BLK: variants seen among roughly 807,000 people sequenced by gnomAD.
The protein encoded by BLK is BLK proto-oncogene, Src family tyrosine kinase, also known as tyrosine-protein kinase Blk.
Under a neutral mutation model 61.8 loss-of-function variants are expected in BLK, and 64 were observed. The ratio of observed to expected loss-of-function variants is 1.03; its 90% confidence interval spans 0.85 to 1.27. The LOEUF is 1.27. Among genes scored for constraint, BLK ranks in the 50% most tolerant of loss-of-function variants. The pLI, the probability that BLK is intolerant of heterozygous loss-of-function variation, is 0.00. For missense variants in BLK, 853 were observed against 660.5 expected (o/e 1.29, Z -3.19); for synonymous variants, 351 against 272.0 (o/e 1.29, Z -2.86).
At position 11,535,028 on chromosome 8, in the gene BLK, A is replaced by C. The variant is rs75867350; in HGVS notation, c.-1-8196A>C. ...ACCTCTACATAAAATTGTTTAAAAAATTAGCCAGGCATGGCAGCACGTGCC... is the reference window on the plus strand; with the variant it reads ...ACCTCTACATAAAATTGTTTAAAAACTTAGCCAGGCATGGCAGCACGTGCC... On this transcript the variant is annotated intron_variant, in intron 1 of 12. Coordinates refer to ENST00000259089, the MANE Select transcript of BLK (RefSeq NM_001715.3). 6.9e-3 allele frequency among the ~76,000 whole-genome samples: 1,048 copies of C among 152,200 alleles called. 7 individuals carry two copies. Among genetic ancestry groups the C allele is most frequent in the Non-Finnish European group, 0.012 (812 of 68,032 alleles).
chr8:11,536,674 G>A (rs1800145986), intron 1 of BLK, among the ~76,000 whole-genome samples: 1 of 152,166 alleles, frequency 6.6e-6, no homozygotes, highest in African/African-American at 2.4e-5. Flanking sequence ...CGCAAGTGCT[G>A]GGATTACAGG....
At chr8:11,530,680 T>TTCG (rs1799849869) in intron 1 of BLK, among the ~76,000 whole-genome samples, 1 of 123,374 alleles carries the variant, frequency 8.1e-6, no homozygotes, top group Non-Finnish European at 1.8e-5. Flanking sequence ...TGTAAATAGC[T>TTCG]CAGTAGAAGT....
At chr8:11,545,835 C>G in intron 2 of BLK, 1 of 614,852 alleles carries the variant, frequency 1.6e-6, no homozygotes, top group Middle Eastern at 4.5e-4. Flanking sequence ...TCCCCCAGCG[C>G]GGTCAGGGCA....
chr8:11,562,909 G>T (rs1801557316), intron 11 of BLK, 70 bp from the exon 12 acceptor site: 4 of 1,604,674 alleles, frequency 2.5e-6, no homozygotes, highest in Admixed American at 1.7e-5. Context: ...AGGAGCAGGG[G>T]TAGGGGTGAG....
intron 4 of BLK, 52 bp from the exon 5 acceptor site, chr8:11,548,972 G>C: frequency 2.7e-6 from 4 of 1,496,968 alleles, no homozygotes; most frequent in Non-Finnish European, 3.7e-6. Flanking sequence ...GCTGCCCAGT[G>C]ACGGGCCTAC....
chr8:11,520,476 C>CAAAAAA (rs71203393), intron 1 of BLK, among the ~76,000 whole-genome samples: 1 of 69,684 alleles, frequency 1.4e-5, no homozygotes, highest in Non-Finnish European at 2.8e-5. Flanking sequence ...GACCTTGTCT[C>CAAAAAA]AAAAAAAAAA....
chr8:11,528,101 A>G (rs1409944811), intron 1 of BLK, among the ~76,000 whole-genome samples: 1 of 152,138 alleles, frequency 6.6e-6, no homozygotes, highest in Non-Finnish European at 1.5e-5. Context: ...CAATGGCGTG[A>G]TCTCAGCTCA....
chr8:11,534,699 TCTC>T (rs776879118), intron 1 of BLK, among the ~76,000 whole-genome samples: 28 of 152,134 alleles, frequency 1.8e-4, no homozygotes, highest in Non-Finnish European at 3.5e-4. Context: ...CCACATAATT[TCTC>T]CTCCTAACTG....
rs1799104411 is a variant in BLK at position 11,513,517 on chromosome 8, G to C, written c.-2+18926G>C. The stretch of plus-strand genomic sequence containing the variant: ...CAGAGCCCAGGCTGTCTGTCCCTCA[G>C]CATCCCCTAAATCTGCGATGCAATC... On this transcript the variant is annotated intron_variant, in intron 1 of 12. Coordinates refer to ENST00000259089, the MANE Select transcript of BLK (RefSeq NM_001715.3). Among the ~76,000 whole-genome samples the C allele has an allele frequency of 2.6e-5, 4 of 152,306 alleles. No homozygotes were observed. The South Asian group carries it at 8.3e-4, about 32-fold the overall frequency.
At chr8:11,510,574 G>C (rs1429404709) in intron 1 of BLK, among the ~76,000 whole-genome samples, 1 of 151,980 alleles carries the variant, frequency 6.6e-6, no homozygotes, top group Non-Finnish European at 1.5e-5. Context: ...TTCTCAACGG[G>C]GGCTGTGGCC....
At position 11,543,183 on chromosome 8, in the gene BLK, C is replaced by T. The variant is rs368590573; in HGVS notation, c.-1-41C>T. 3 of 1,612,564 alleles carry T rather than the reference C, an allele frequency of 1.9e-6. No individual in the cohort carries two copies. The African/African-American group carries it at 4.0e-5, about 22-fold the overall frequency. ...CCCTCTGTGCAGAGGATCTGAGGCC[C>T]CGCTCTCTCATGTCCTCTGTCTGCT... On this transcript the variant is annotated intron_variant, in intron 1 of 12. Coordinates refer to ENST00000259089, the MANE Select transcript of BLK (RefSeq NM_001715.3).
intron 1 of BLK, among the ~76,000 whole-genome samples, chr8:11,521,230 T>G (rs1799434796): frequency 6.6e-6 from 1 of 152,234 alleles, no homozygotes; most frequent in Non-Finnish European, 1.5e-5. Context: ...AATAATTATC[T>G]ATACCCTAAA....
At position 11,515,917 on chromosome 8, in the gene BLK, T is replaced by C. The variant is rs554675027; in HGVS notation, c.-2+21326T>C. Among the ~76,000 whole-genome samples, 5 of 152,346 alleles carry C rather than the reference T, an allele frequency of 3.3e-5. No individual in the cohort carries two copies. The East Asian group carries it at 9.6e-4, about 29-fold the overall frequency. ...ATAGAATAGAGAATACCCAGGGGCA[T>C]TGCCTGTAGGAAAGGCTTTGGGAGG... On this transcript the variant is annotated intron_variant, in intron 1 of 12. Transcript: ENST00000259089.
intron 1 of BLK, among the ~76,000 whole-genome samples, chr8:11,518,523 C>T (rs537533587): frequency 6.6e-6 from 1 of 152,154 alleles, no homozygotes; most frequent in Non-Finnish European, 1.5e-5. Context: ...TTGCTGGCAT[C>T]TCAGCATTTC....
intron 1 of BLK, among the ~76,000 whole-genome samples, chr8:11,535,261 G>GAAAA (rs769872213): frequency 9.1e-6 from 1 of 110,454 alleles, no homozygotes; most frequent in Non-Finnish European, 1.8e-5. Flanking sequence ...AAGAAAGAAA[G>GAAAA]AAGAAAGAAA....
intron 1 of BLK, among the ~76,000 whole-genome samples, chr8:11,496,487 C>T (rs764475846): frequency 2.4e-4 from 36 of 152,342 alleles, no homozygotes; most frequent in South Asian, 2.3e-3. Context: ...AAGCCATCCT[C>T]CCACTTTGGC....
At chr8:11,556,055 T>C (rs1801205687) in intron 8 of BLK, 1 of 234,010 alleles carries the variant, frequency 4.3e-6, no homozygotes, top group Non-Finnish European at 8.5e-6. Context: ...GGTCCATGAG[T>C]GCTCCCTTAC....
At chr8:11,517,803 G>T (rs562187025) in intron 1 of BLK, among the ~76,000 whole-genome samples, 1 of 152,306 alleles carries the variant, frequency 6.6e-6, no homozygotes, top group East Asian at 1.9e-4. Flanking sequence ...CCAAGCTCTT[G>T]GTCCTGTCAC....
intron 2 of BLK, among the ~76,000 whole-genome samples, chr8:11,545,008 G>C (rs1800562140): frequency 6.6e-6 from 1 of 151,926 alleles, no homozygotes; most frequent in Admixed American, 6.6e-5. Flanking sequence ...CCTTAGCTTT[G>C]CTTTTTAATA....
Sources: allele counts gnomAD v4.1 joint callset (sites outside exome capture counted in the v4.1 genomes callset), GRCh38; gene constraint gnomAD v4.1.1; transcripts MANE v1.5; gene names NCBI Gene and HGNC (gene_info 2026-07-23, HGNC 2026-07-21).